Variants in AQP7 observed in about 807,000 individuals in gnomAD.
AQP7 encodes the protein aquaporin 7, also known as aquaporin-7.
A neutral mutation model predicts 26.1 loss-of-function variants in AQP7; 22 were observed. The observed-to-expected ratio is 0.84, with a 90% CI of 0.60 to 1.20. The LOEUF is 1.20. Ranked by LOEUF, AQP7 falls within the 50% of genes most tolerant of loss-of-function variation. The pLI, the probability that AQP7 is intolerant of heterozygous loss-of-function variation, is 0.00. For synonymous variants in AQP7, 167 were observed against 181.7 expected, an observed-to-expected ratio of 0.92 and a Z score of 0.65; for missense variants, 412 against 457.5, an observed-to-expected ratio of 0.90 and a Z score of 0.91.
At chr9:33,400,035 G>A (rs1311082012) in intron 2 of AQP7, among the ~76,000 whole-genome samples, 2 of 152,078 alleles carry the variant, frequency 1.3e-5, no homozygotes, top group African/African-American at 2.4e-5. Flanking sequence ...GGGCGGAGGA[G>A]GCTGTTTCCA....
chr9:33,386,390 G>C lies in AQP7; in HGVS notation c.406+14C>G, dbSNP rs761491935. On this transcript the variant is annotated intron_variant, in intron 5 of 7. Transcript: ENST00000297988. The stretch of plus-strand genomic sequence containing the variant: ...GGCTGAGGCCAGAGGCGGACACCCG[G>C]GCAGGATACTCACTGTAGAAGAGAC... 1 of 1,610,454 alleles carries C rather than the reference G, an allele frequency of 6.2e-7. No individual in the cohort carries two copies. The highest frequency in any genetic ancestry group is 1.1e-5 in the South Asian group (1 of 90,206).
intron 3 of AQP7, among the ~76,000 whole-genome samples, chr9:33,391,239 T>G (rs1243498030): frequency 2.0e-5 from 3 of 152,252 alleles, no homozygotes; most frequent in African/African-American, 7.2e-5. Context: ...AACTTGGTTT[T>G]GAAGAACAGA....
intron 2 of AQP7, among the ~76,000 whole-genome samples, chr9:33,398,466 G>A (rs1186100018): frequency 6.6e-6 from 1 of 152,234 alleles, no homozygotes; most frequent in African/African-American, 2.4e-5. Context: ...CAGATGGGTG[G>A]AGAAGTGGCG....
chr9:33,397,432 C>T (rs2118857787), intron 2 of AQP7, among the ~76,000 whole-genome samples: 1 of 152,144 alleles, frequency 6.6e-6, no homozygotes, highest in Admixed American at 6.5e-5. Flanking sequence ...GATAATGAGA[C>T]CCCTATACGA....
chr9:33,397,575 A>G (rs898427109), intron 2 of AQP7, among the ~76,000 whole-genome samples: 5 of 152,144 alleles, frequency 3.3e-5, no homozygotes, highest in African/African-American at 9.7e-5. Flanking sequence ...TGGGTGAGCT[A>G]TGAACAGAGG....
intron 2 of AQP7, among the ~76,000 whole-genome samples, chr9:33,397,685 C>A (rs969106540): frequency 6.6e-6 from 1 of 152,104 alleles, no homozygotes; most frequent in Non-Finnish European, 1.5e-5. Context: ...AATTTAGGAG[C>A]CCTGAGGAAT....
rs780744415 is a variant in AQP7 at position 33,386,196 on chromosome 9, C to T, written c.407-1G>A. 6.2e-7 allele frequency: 1 copy of T among 1,614,014 alleles called. No individual in the cohort carries two copies. The stretch of plus-strand genomic sequence containing the variant: ...CCACCCGAAAAGTGGAGAATGGCCG[C>T]TGCGGAGACACAGACTGTCATGCGA... On this transcript the variant is annotated splice_acceptor_variant, in intron 5 of 7. Transcript: ENST00000297988. LOFTEE classifies it high-confidence loss of function.
chr9:33,386,058 C>T lies in AQP7; in HGVS notation c.525+19G>A, dbSNP rs756103490. ...GGGGTGGAGGGCAGGGGGAGGGATA[C>T]TCATCCTCGACCACTGACCTCATTC... On this transcript the variant is annotated intron_variant, in intron 6 of 7. Transcript: ENST00000297988. The T allele has an allele frequency of 6.2e-7, 1 of 1,612,206 alleles. No homozygotes were observed. Among genetic ancestry groups the T allele is most frequent in the Non-Finnish European group, 8.5e-7 (1 of 1,179,748 alleles).
intron 2 of AQP7, among the ~76,000 whole-genome samples, chr9:33,400,804 C>CG (rs904120425): frequency 6.8e-6 from 1 of 147,070 alleles, no homozygotes; most frequent in Non-Finnish European, 1.5e-5. Context: ...GATTCCATCT[C>CG]GGAAAAAAAA....
intron 2 of AQP7, among the ~76,000 whole-genome samples, chr9:33,396,166 G>A (rs778630782): frequency 2.0e-5 from 3 of 152,110 alleles, no homozygotes; most frequent in Non-Finnish European, 2.9e-5. Context: ...GGCTGGGCCC[G>A]GTGGCTCACG....
Position 33,385,163 on chromosome 9 carries a change from C to A in AQP7, c.871G>T (p.Val291Leu). Residue 291 changes from valine (V) to leucine (L), a missense_variant, in exon 8 of 8, where the codon GTG (valine) becomes TTG (leucine). Coordinates refer to ENST00000297988, the MANE Select transcript of AQP7 (RefSeq NM_001170.3). ...GTTATCCCGTGGTCTTCATACGCCA[C>A]AGAATCCTCCAATTTCAGGGGCTCC... ...PREPLKLEDS[V>L]AYEDHGITVL... The A allele has an allele frequency of 6.2e-7, 1 of 1,611,968 alleles. No individual in the cohort carries two copies. Among genetic ancestry groups the A allele is most frequent in the Non-Finnish European group, 8.5e-7 (1 of 1,179,838 alleles).
chr9:33,386,757 G>C (rs368857608), intron 4 of AQP7, among the ~76,000 whole-genome samples: 14 of 152,324 alleles, frequency 9.2e-5, no homozygotes, highest in Admixed American at 4.6e-4. Context: ...TGCCTAAGAT[G>C]ACCCAGCCAG....
chr9:33,393,209 C>A (rs1384309351), intron 3 of AQP7, among the ~76,000 whole-genome samples: 1 of 152,146 alleles, frequency 6.6e-6, no homozygotes, highest in Non-Finnish European at 1.5e-5. Context: ...TCCTAGGAGA[C>A]AGAGTGAGAC....
chr9:33,388,852 T>TTTTG (rs1006288372), intron 3 of AQP7, among the ~76,000 whole-genome samples: 8 of 152,016 alleles, frequency 5.3e-5, no homozygotes, highest in Non-Finnish European at 8.8e-5. Flanking sequence ...TGTGCCACTG[T>TTTTG]TTTGTTTGTT....
rs1227951328 is a variant in AQP7, at chr9:33,384,129, G to C, written c.*876C>G. 1.3e-5 allele frequency: 2 copies of C among 152,166 alleles called. No homozygotes were observed. Among genetic ancestry groups the C allele is most frequent in the Non-Finnish European group, 2.9e-5 (2 of 68,052 alleles). The allele number at this position is 152,166 out of a possible 1,614,324, so 9.4% of individuals were successfully genotyped here. A position where few individuals can be genotyped will look rare whatever the true frequency, so the allele number is the denominator to read the frequency against. On this transcript the variant is annotated 3_prime_UTR_variant, in exon 8 of 8. Transcript: ENST00000297988. ...CAGAGTGATTCCTGCCTGGCCCCAG[G>C]GTCAGTGGATCCTGGCCCCTCACCC... is the stretch of plus-strand genomic sequence containing the variant.
chr9:33,401,045 G>A (rs1826234811), intron 2 of AQP7, 192 bp downstream of exon 2: 1 of 641,968 alleles, frequency 1.6e-6, no homozygotes, highest in Non-Finnish European at 2.8e-6. Flanking sequence ...CTCACCCCAG[G>A]ACCCAGCCCA....
At position 33,387,020 on chromosome 9, in the gene AQP7, C is replaced by T. The variant is rs1374071314; in HGVS notation, c.217G>A (p.Gly73Ser). ...CCCATGGTGACTCCGAAGCCAAAAC[C>T]CAAGTTGACACCAAGGTAGCTCCCA... ...KYGSYLGVNL[G>S]FGFGVTMGVH... The change falls in exon 4 of 8, where the codon GGT (glycine) becomes AGT (serine). Residue 73 changes from glycine (G) to serine (S), a missense_variant. By Grantham distance (56) the Gly-to-Ser change is moderately conservative. Coordinates refer to ENST00000297988, the MANE Select transcript of AQP7 (RefSeq NM_001170.3). The T allele has an allele frequency of 1.2e-6, 2 of 1,612,002 alleles. No individual in the cohort carries two copies. The highest frequency in any genetic ancestry group is 1.7e-6 in the Non-Finnish European group (2 of 1,179,832).
At chr9:33,400,269 G>A (rs1365582613) in intron 2 of AQP7, among the ~76,000 whole-genome samples, 1 of 152,054 alleles carries the variant, frequency 6.6e-6, no homozygotes, top group African/African-American at 2.4e-5. Flanking sequence ...AGCTCCTACG[G>A]AAAAAAACAG....
In AQP7 at chr9:33,384,965, GC is replaced by G. The variant is rs1377864810; in HGVS notation, c.*39del. The G allele has an allele frequency of 2.6e-6, 4 of 1,565,814 alleles. No homozygotes were observed. The highest frequency in any genetic ancestry group is 3.5e-6 in the Non-Finnish European group (4 of 1,152,668). ...GGGGTACTGCTGTCGGACAAGCCTT[GC>G]TTTATTGGGGAATGGATGGGATCAC... is the stretch of plus-strand genomic sequence containing the variant. On this transcript the variant is annotated 3_prime_UTR_variant, in exon 8 of 8. Coordinates refer to ENST00000297988, the MANE Select transcript of AQP7 (RefSeq NM_001170.3).
Sources: allele counts gnomAD v4.1 joint callset (sites outside exome capture counted in the v4.1 genomes callset), GRCh38; gene constraint gnomAD v4.1.1; transcripts MANE v1.5; gene names NCBI Gene and HGNC (gene_info 2026-07-23, HGNC 2026-07-21).